The following EFHD1 variants were observed in gnomAD, a reference collection of about 807,000 sequenced individuals.
EFHD1 encodes EF-hand domain-containing protein D1.
In EFHD1, 10 loss-of-function variants were observed where a neutral mutation model predicts 17.2. The ratio of observed to expected loss-of-function variants is 0.58; its 90% CI spans 0.36 to 0.99. The LOEUF is 0.99. Among genes scored for constraint, EFHD1 ranks in the 50% least tolerant of loss-of-function variants. The pLI, the probability that EFHD1 is intolerant of heterozygous loss-of-function variation, is 0.01. For missense variants in EFHD1, 310 were observed against 327.5 expected, an observed-to-expected ratio of 0.95 and a Z score of 0.41; for synonymous variants, 153 against 142.0, an observed-to-expected ratio of 1.08 and a Z score of -0.55.
intron 3 of EFHD1, among the ~76,000 whole-genome samples, chr2:232,672,779 G>A (rs747518601): frequency 7.2e-5 from 11 of 152,192 alleles, no homozygotes; most frequent in Non-Finnish European, 1.6e-4. Flanking sequence ...AGGTGGTATG[G>A]GCTGTTGGGA....
chr2:232,620,904 G>T (rs1296160096), intron 1 of EFHD1, among the ~76,000 whole-genome samples: 1 of 152,080 alleles, frequency 6.6e-6, no homozygotes, highest in Non-Finnish European at 1.5e-5. Flanking sequence ...TTCTGGGGAG[G>T]TGTGGACACA....
At chr2:232,640,716 T>A (rs757697524) in intron 1 of EFHD1, among the ~76,000 whole-genome samples, 2 of 151,720 alleles carry the variant, frequency 1.3e-5, no homozygotes, top group Non-Finnish European at 2.9e-5. Context: ...AGGAGGACAC[T>A]CCAGTAGCTG....
intron 1 of EFHD1, among the ~76,000 whole-genome samples, chr2:232,634,485 G>A (rs1341049772): frequency 1.3e-5 from 2 of 152,268 alleles, no homozygotes; most frequent in Non-Finnish European, 2.9e-5. Context: ...ATGAATGAGC[G>A]GAGGCCGAGA....
At chr2:232,678,819 C>A (rs1484188093) in intron 3 of EFHD1, among the ~76,000 whole-genome samples, 1 of 152,108 alleles carries the variant, frequency 6.6e-6, no homozygotes, top group East Asian at 1.9e-4. Context: ...AAAGAAACAT[C>A]TCTTTCACGT....
In EFHD1 at chr2:232,633,948, A is replaced by ACGGAGTTCC. The variant is rs762818976; in HGVS notation, c.253_261dup (p.Pro85_Phe87dup). 1.9e-6 allele frequency: 3 copies of ACGGAGTTCC among 1,597,568 alleles called. No homozygotes were observed. The highest frequency in any genetic ancestry group is 2.5e-6 in the Non-Finnish European group (3 of 1,179,238). On this transcript the variant is annotated inframe_insertion, in exon 1 of 4. Coordinates refer to ENST00000264059, the MANE Select transcript of EFHD1 (RefSeq NM_025202.4). The stretch of plus-strand genomic sequence containing the variant: ...GCGCTGCAGGGTCTTCAACCCCTAC[A>ACGGAGTTCC]CGGAGTTCCCGGAGTTCAGCCGCCG...
At chr2:232,621,890 C>A (rs182852834) in intron 1 of EFHD1, among the ~76,000 whole-genome samples, 1 of 152,328 alleles carries the variant, frequency 6.6e-6, no homozygotes, top group African/African-American at 2.4e-5. Flanking sequence ...GTGCCCATGA[C>A]AGAGGGCTCC....
At chr2:232,609,529 G>A (rs1693775346) in intron 1 of EFHD1, among the ~76,000 whole-genome samples, 1 of 152,162 alleles carries the variant, frequency 6.6e-6, no homozygotes, top group African/African-American at 2.4e-5. Context: ...GGGTACCAGG[G>A]ATTCAGAGAT....
intron 2 of EFHD1, among the ~76,000 whole-genome samples, chr2:232,668,028 G>A (rs1010581783): frequency 2.6e-5 from 4 of 152,204 alleles, no homozygotes; most frequent in African/African-American, 7.2e-5. Context: ...CATAGCTTGC[G>A]TGTGAAAGGG....
chr2:232,640,704 A>C (rs192466630), intron 1 of EFHD1, among the ~76,000 whole-genome samples: 2 of 152,006 alleles, frequency 1.3e-5, no homozygotes, highest in East Asian at 3.9e-4. Flanking sequence ...CCACCCACAT[A>C]CAGGAGGACA....
chr2:232,613,189 C>T (rs1474086392), intron 1 of EFHD1, among the ~76,000 whole-genome samples: 1 of 151,880 alleles, frequency 6.6e-6, no homozygotes, highest in Admixed American at 6.6e-5. Flanking sequence ...TTTGGGAGGC[C>T]GACGTGGGTG....
chr2:232,607,338 C>T (rs1459661201), intron 1 of EFHD1, among the ~76,000 whole-genome samples: 1 of 151,568 alleles, frequency 6.6e-6, no homozygotes, highest in Non-Finnish European at 1.5e-5. Flanking sequence ...GTAATCTCAG[C>T]ACTTTGGGGG....
At chr2:232,647,148 C>T (rs1052577624) in intron 1 of EFHD1, among the ~76,000 whole-genome samples, 1 of 152,270 alleles carries the variant, frequency 6.6e-6, no homozygotes, top group Non-Finnish European at 1.5e-5. Flanking sequence ...GGTGTGCAGT[C>T]ATGGCCTTAA....
chr2:232,663,605 G>T (rs978851667), intron 2 of EFHD1, among the ~76,000 whole-genome samples: 2 of 152,052 alleles, frequency 1.3e-5, no homozygotes, highest in Non-Finnish European at 2.9e-5. Flanking sequence ...GGCTTCAAGT[G>T]ATCCTCTGCC....
rs142409238 is a variant in EFHD1, at chr2:232,681,284, A to G, written c.586-301A>G. Reference sequence around the variant, plus strand: ...TTAAAATAATGTAAAAATGGTTAATAAACTGGGATGTTAAACTGTATCCTG... The same window carrying G: ...TTAAAATAATGTAAAAATGGTTAATGAACTGGGATGTTAAACTGTATCCTG... On this transcript the variant is annotated intron_variant, in intron 3 of 3. Coordinates refer to ENST00000264059, the MANE Select transcript of EFHD1 (RefSeq NM_025202.4). Among the ~76,000 whole-genome samples, 5 of 152,372 alleles carry G rather than the reference A, an allele frequency of 3.3e-5. No individual in the cohort carries two copies. The East Asian group carries it at 9.6e-4, about 29-fold the overall frequency.
At chr2:232,654,794 C>T (rs1346746989) in intron 1 of EFHD1, among the ~76,000 whole-genome samples, 1 of 152,182 alleles carries the variant, frequency 6.6e-6, no homozygotes, top group Non-Finnish European at 1.5e-5. Context: ...CATGTGACAG[C>T]CCCTCTGTGT....
intron 3 of EFHD1, among the ~76,000 whole-genome samples, chr2:232,680,774 G>T (rs1348959774): frequency 6.6e-6 from 1 of 151,986 alleles, no homozygotes. Flanking sequence ...CTCCCAAAGT[G>T]CTGGGATTAC....
intron 1 of EFHD1, among the ~76,000 whole-genome samples, chr2:232,640,990 A>C: frequency 6.6e-6 from 1 of 152,154 alleles, no homozygotes; most frequent in East Asian, 1.9e-4. Context: ...GGCTCAAGGA[A>C]AGGAAGCTGC....
At chr2:232,659,913 G>C (rs1440218865) in intron 1 of EFHD1, among the ~76,000 whole-genome samples, 1 of 152,126 alleles carries the variant, frequency 6.6e-6, no homozygotes, top group Admixed American at 6.5e-5. Context: ...GCAAGACAGA[G>C]CAAGCGGGGA....
chr2:232,676,039 G>C (rs1483412161), intron 3 of EFHD1, among the ~76,000 whole-genome samples: 2 of 152,102 alleles, frequency 1.3e-5, no homozygotes, highest in Non-Finnish European at 2.9e-5. Context: ...AGCCGGGCAT[G>C]GTGGCATGCG....
Sources: allele counts gnomAD v4.1 joint callset (sites outside exome capture counted in the v4.1 genomes callset), GRCh38; gene constraint gnomAD v4.1.1; transcripts MANE v1.5; gene names NCBI Gene and HGNC (gene_info 2026-07-23, HGNC 2026-07-21).